DDAH2: variants seen among roughly 807,000 people sequenced by gnomAD.
DDAH2 encodes the protein putative hydrolase DDAH2.
Under a neutral mutation model 24.8 loss-of-function variants are expected in DDAH2, and 8 were observed. The observed-to-expected ratio is 0.32, with a 90% CI of 0.19 to 0.58. DDAH2 has a LOEUF of 0.58. Among genes scored for constraint, DDAH2 ranks in the 20% least tolerant of loss-of-function variants. The probability of loss-of-function intolerance (pLI) is 0.87; values close to 1 mark genes in which losing one functional copy is unlikely to be tolerated. For missense variants in DDAH2, 281 were observed against 379.0 expected (o/e 0.74, Z 2.15); for synonymous variants, 151 against 166.1 (o/e 0.91, Z 0.70).
chr6:31,728,106 C>A lies in DDAH2; in HGVS notation c.591+67G>T. Reference sequence around the variant, plus strand: ...CAGGGGTTAGGGCTAATTTCCTAAGCCTCCCAGCTCCCGGCCTCCCGGGCC... The same window carrying A: ...CAGGGGTTAGGGCTAATTTCCTAAGACTCCCAGCTCCCGGCCTCCCGGGCC... On this transcript the variant is annotated intron_variant, in intron 4 of 5. Transcript: ENST00000375789. This position sits in a 1 kb window ranked among gnomAD's most constrained non-coding sequence, Gnocchi z 9.8. 6.3e-7 allele frequency: 1 copy of A among 1,581,278 alleles called. No individual in the cohort carries two copies. The highest frequency in any genetic ancestry group is 1.1e-5 in the South Asian group (1 of 88,822).
In DDAH2 at chr6:31,728,121, C is replaced by A. The variant is rs901855599; in HGVS notation, c.591+52G>T. On this transcript the variant is annotated intron_variant, in intron 4 of 5. Transcript: ENST00000375789. This position sits in a 1 kb window ranked among gnomAD's most constrained non-coding sequence, Gnocchi z 9.8. Reference sequence around the variant, plus strand: ...ATTTCCTAAGCCTCCCAGCTCCCGGCCTCCCGGGCCCAGAACTGCGCCCAC... The same window carrying A: ...ATTTCCTAAGCCTCCCAGCTCCCGGACTCCCGGGCCCAGAACTGCGCCCAC... 1.1e-5 allele frequency: 17 copies of A among 1,597,172 alleles called. No individual in the cohort carries two copies. Among genetic ancestry groups the A allele is most frequent in the Non-Finnish European group, 1.4e-5 (16 of 1,175,552 alleles).
At position 31,727,460 on chromosome 6, in the gene DDAH2, G is replaced by T; in HGVS notation, c.741+83C>A. The T allele has an allele frequency of 6.2e-7, 1 of 1,607,896 alleles. No homozygotes were observed. Among genetic ancestry groups the T allele is most frequent in the South Asian group, 1.1e-5 (1 of 90,692 alleles). ...GGCCCCACCCAGGCTTCTAGAGAAG[G>T]TACCCTTCCTTCCTCCCACTAGGAA... On this transcript the variant is annotated intron_variant, in intron 5 of 5. Coordinates refer to ENST00000375789, the MANE Select transcript of DDAH2 (RefSeq NM_001303007.2). This position sits in a 1 kb window ranked among gnomAD's most constrained non-coding sequence, Gnocchi z 6.0.
At position 31,729,157 on chromosome 6, in the gene DDAH2, C is replaced by A; in HGVS notation, c.5G>T (p.Gly2Val). 1.2e-6 allele frequency: 2 copies of A among 1,603,628 alleles called. No homozygotes were observed. Among genetic ancestry groups the A allele is most frequent in the Non-Finnish European group, 8.5e-7 (1 of 1,173,222 alleles). M[G>V]TPGEGLGRCS... ...GCGGCCCAGCCCCTCCCCCGGCGTC[C>A]CCATCCCATCCACACAGACTCCCCC... Residue 2 changes from glycine (G) to valine (V), a missense_variant, in exon 1 of 6, where the codon GGG becomes GTG. Transcript: ENST00000375789. The surrounding 1 kb of genome is among the most constrained non-coding windows in gnomAD (Gnocchi z 6.7).
Position 31,728,920 on chromosome 6 carries a change from AT to A in DDAH2, c.241del (p.Ile81SerfsTer7). ...LGPLLGDTAV[I>X]QGDTALITRP... ...CGTGATTAGGGCCGTGTCCCCTTGGATCACGGCCGTGTCGCCAAGCAGCGGT... is the reference window on the plus strand; with the variant it reads ...CGTGATTAGGGCCGTGTCCCCTTGGACACGGCCGTGTCGCCAAGCAGCGGT... On this transcript the variant is annotated frameshift_variant, in exon 1 of 6. Coordinates refer to ENST00000375789, the MANE Select transcript of DDAH2 (RefSeq NM_001303007.2). LOFTEE classifies it high-confidence loss of function. This position sits in a 1 kb window ranked among gnomAD's most constrained non-coding sequence, Gnocchi z 9.8. 1 of 1,613,062 alleles carries A rather than the reference AT, an allele frequency of 6.2e-7. No homozygotes were observed. Among genetic ancestry groups the A allele is most frequent in the African/African-American group, 1.3e-5 (1 of 75,040 alleles).
rs1330318846 is a variant in DDAH2 at position 31,728,895 on chromosome 6, C to G, written c.267G>C (p.Thr89=). The change falls in exon 1 of 6, where the codon ACG becomes ACC. Residue 89 remains threonine (T), a synonymous_variant. Transcript: ENST00000375789. The surrounding 1 kb of genome is among the most constrained non-coding windows in gnomAD (Gnocchi z 9.8). The part of the protein sequence containing the change: ...AVIQGDTALI[T]RPWSPARRPE... ...GCCTACGAGCGGGGCTCCAGGGCCG[C>G]GTGATTAGGGCCGTGTCCCCTTGGA... The G allele has an allele frequency of 5.0e-6, 8 of 1,613,028 alleles. No homozygotes were observed. The highest frequency in any genetic ancestry group is 6.8e-6 in the Non-Finnish European group (8 of 1,180,014).
At position 31,729,184 on chromosome 6, in the gene DDAH2, C is replaced by G; in HGVS notation, c.-23G>C. The G allele has an allele frequency of 6.5e-7, 1 of 1,534,830 alleles. No individual in the cohort carries two copies. The highest frequency in any genetic ancestry group is 1.2e-5 in the South Asian group (1 of 84,482). On this transcript the variant is annotated 5_prime_UTR_variant, in exon 1 of 6. Transcript: ENST00000375789. The surrounding 1 kb of genome is among the most constrained non-coding windows in gnomAD (Gnocchi z 6.7). ...CATCCCATCCACACAGACTCCCCCT[C>G]CAACCGCTCGGATTTCTTAGTTTTC...
Position 31,729,048 on chromosome 6 carries a change from C to G in DDAH2, c.114G>C (p.Leu38=). 6.2e-7 allele frequency: 1 copy of G among 1,613,040 alleles called. No homozygotes were observed. The highest frequency in any genetic ancestry group is 1.1e-5 in the South Asian group (1 of 91,088). The part of the protein sequence containing the change: ...GAGAGLPALD[L]AKAQREHGVL... ...CCCCGTGCTCCCTTTGAGCTTTGGC[C>G]AGATCCAGAGCGGGAAGGCCAGCCC... The change falls in exon 1 of 6, where the codon CTG becomes CTC. Residue 38 remains leucine (L), a synonymous_variant. Transcript: ENST00000375789. This position sits in a 1 kb window ranked among gnomAD's most constrained non-coding sequence, Gnocchi z 6.7.
chr6:31,728,977 T>G lies in DDAH2; in HGVS notation c.185A>C (p.Glu62Ala), dbSNP rs776679194. Reference protein sequence around the residue: ...LRQRLGLQLLELPPEESLPLG... With the variant: ...LRQRLGLQLLALPPEESLPLG... ...CGGCAATGACTCCTCAGGTGGCAGT[T>G]CTAGCAGCTGTAGCCCCAGTCGTTG... Residue 62 changes from glutamate (E) to alanine (A), a missense_variant, in exon 1 of 6, where the codon GAA becomes GCA. Physicochemically the swap from Glu to Ala is moderately radical, Grantham distance 107. Transcript: ENST00000375789. The surrounding 1 kb of genome is among the most constrained non-coding windows in gnomAD (Gnocchi z 9.8). The G allele has an allele frequency of 6.2e-7, 1 of 1,613,102 alleles. No homozygotes were observed. The highest frequency in any genetic ancestry group is 2.2e-5 in the East Asian group (1 of 44,884).
rs1429342559 is a variant in DDAH2 at position 31,728,502 on chromosome 6, G to A, written c.420C>T (p.Leu140=). ...LFTGREFFVG[L]SKWTNHRGAE... is the part of the protein sequence containing the mutation. ...CTCCTCGGTGATTGGTCCATTTGGAGAGGCCTACGAAAAACTCCCGGCCTG... is the reference window on the plus strand; with the variant it reads ...CTCCTCGGTGATTGGTCCATTTGGAAAGGCCTACGAAAAACTCCCGGCCTG... The change falls in exon 3 of 6, where the codon CTC becomes CTT. Residue 140 remains leucine, a synonymous_variant. Transcript: ENST00000375789. The surrounding 1 kb of genome is among the most constrained non-coding windows in gnomAD (Gnocchi z 9.8). 1.4e-5 allele frequency: 23 copies of A among 1,612,616 alleles called. No homozygotes were observed. Among genetic ancestry groups the A allele is most frequent in the Non-Finnish European group, 1.8e-5 (21 of 1,179,952 alleles).
In DDAH2 at chr6:31,728,324, G is replaced by A. The variant is rs186059807; in HGVS notation, c.472-32C>T. 6.9e-6 allele frequency: 11 copies of A among 1,604,704 alleles called. No individual in the cohort carries two copies. In the Admixed American group the frequency reaches 8.4e-5, roughly 12 times the overall value. ...AGAGCGAAGGGAGGTATTCAGGGGC[G>A]CGGGAGGGGTGATGGGGTATCTTCA... On this transcript the variant is annotated intron_variant, in intron 3 of 5. Coordinates refer to ENST00000375789, the MANE Select transcript of DDAH2 (RefSeq NM_001303007.2). The surrounding 1 kb of genome is among the most constrained non-coding windows in gnomAD (Gnocchi z 9.8).
upstream of DDAH2, chr6:31,729,500 G>A (rs981157958): frequency 3.5e-4 from 114 of 326,320 alleles, no homozygotes; most frequent in Middle Eastern, 2.5e-3. This position sits in a 1 kb window ranked among gnomAD's most constrained non-coding sequence, Gnocchi z 6.7. Context: ...GGTCCCTGTC[G>A]GGCGCCCCTC....
chr6:31,727,284 C>A lies in DDAH2; in HGVS notation c.811G>T (p.Gly271Trp), dbSNP rs373175852. The change falls in exon 6 of 6, where the codon GGG (glycine) becomes TGG (tryptophan). Residue 271 changes from glycine to tryptophan, a missense_variant. Physicochemically the swap from Gly to Trp is radical, Grantham distance 184. Transcript: ENST00000375789. This position sits in a 1 kb window ranked among gnomAD's most constrained non-coding sequence, Gnocchi z 6.0. The stretch of plus-strand genomic sequence containing the variant: ...AGCACCAAGCAGAGGGAGCTGAGCC[C>A]GGCGCCAGCCTTCTCCAGTTCTGAG... ...SCSELEKAGA[G>W]LSSLCLVLST... is the part of the protein sequence containing the mutation. The A allele has an allele frequency of 3.7e-6, 6 of 1,612,942 alleles. No homozygotes were observed. The highest frequency in any genetic ancestry group is 5.1e-6 in the Non-Finnish European group (6 of 1,180,026).
chr6:31,727,481 A>G lies in DDAH2; in HGVS notation c.741+62T>C. On this transcript the variant is annotated intron_variant, in intron 5 of 5. Coordinates refer to ENST00000375789, the MANE Select transcript of DDAH2 (RefSeq NM_001303007.2). This position sits in a 1 kb window ranked among gnomAD's most constrained non-coding sequence, Gnocchi z 6.0. Reference sequence around the variant, plus strand: ...GAAGGTACCCTTCCTTCCTCCCACTAGGAAAGCCTGAAACTCTTTTCTCTG... The same window carrying G: ...GAAGGTACCCTTCCTTCCTCCCACTGGGAAAGCCTGAAACTCTTTTCTCTG... 6.2e-7 allele frequency: 1 copy of G among 1,611,432 alleles called. No homozygotes were observed. The highest frequency in any genetic ancestry group is 8.5e-7 in the Non-Finnish European group (1 of 1,178,838).
At chr6:31,730,214 TG>T, upstream of DDAH2, 1 of 155,394 alleles carries the variant, frequency 6.4e-6, no homozygotes, top group East Asian at 1.8e-4. This position sits in a 1 kb window ranked among gnomAD's most constrained non-coding sequence, Gnocchi z 5.1. Flanking sequence ...TATACTACGA[TG>T]GGGCAGGGGC....
chr6:31,728,176 G>C lies in DDAH2; in HGVS notation c.588C>G (p.Val196=). The part of the protein sequence containing the change: ...AGSSDAAQKA[V]RAMAVLTDHP... Reference sequence around the variant, plus strand: ...GTTGGCCCCGCCCCCTCCTCACCCGGACAGCCTTTTGGGCAGCGTCGCTGC... The same window carrying C: ...GTTGGCCCCGCCCCCTCCTCACCCGCACAGCCTTTTGGGCAGCGTCGCTGC... Residue 196 remains valine, a synonymous_variant, in exon 4 of 6, where the codon GTC becomes GTG. Coordinates refer to ENST00000375789, the MANE Select transcript of DDAH2 (RefSeq NM_001303007.2). This position sits in a 1 kb window ranked among gnomAD's most constrained non-coding sequence, Gnocchi z 9.8. 1 of 1,611,700 alleles carries C rather than the reference G, an allele frequency of 6.2e-7. No individual in the cohort carries two copies. The highest frequency in any genetic ancestry group is 1.3e-5 in the African/African-American group (1 of 75,008).
In DDAH2 at chr6:31,728,819, G is replaced by A. The variant is rs773419342; in HGVS notation, c.297+46C>T. ...TTCTTCCCCAAAGCCCCGACATCCA[G>A]TTCCTTCTGCCTTTCCCCATACCAC... is the stretch of plus-strand genomic sequence containing the variant. On this transcript the variant is annotated intron_variant, in intron 1 of 5. Transcript: ENST00000375789. This position sits in a 1 kb window ranked among gnomAD's most constrained non-coding sequence, Gnocchi z 9.8. 1 of 1,610,920 alleles carries A rather than the reference G, an allele frequency of 6.2e-7. No individual in the cohort carries two copies. The highest frequency in any genetic ancestry group is 8.5e-7 in the Non-Finnish European group (1 of 1,178,990).
Position 31,728,423 on chromosome 6 carries a change from C to A in DDAH2, c.471+28G>T. The A allele has an allele frequency of 6.2e-7, 1 of 1,611,978 alleles. No individual in the cohort carries two copies. The highest frequency in any genetic ancestry group is 8.5e-7 in the Non-Finnish European group (1 of 1,179,684). Reference sequence around the variant, plus strand: ...CTTCCGACCCCCACCTGCACCCCCTCCCTCCCTAGGCTGGTCCCGCTCCGC... The same window carrying A: ...CTTCCGACCCCCACCTGCACCCCCTACCTCCCTAGGCTGGTCCCGCTCCGC... On this transcript the variant is annotated intron_variant, in intron 3 of 5. Transcript: ENST00000375789. The surrounding 1 kb of genome is among the most constrained non-coding windows in gnomAD (Gnocchi z 9.8).
chr6:31,727,585 G>A lies in DDAH2; in HGVS notation c.699C>T (p.Phe233=). Reference sequence around the variant, plus strand: ...GATCCCCACCTCCACGGTGCAGGAGGAAAGGGGGCACACCAGGCAACCCAG... The same window carrying A: ...GATCCCCACCTCCACGGTGCAGGAGAAAAGGGGGCACACCAGGCAACCCAG... ...LRPGLPGVPP[F]LLHRGGGDLP... Residue 233 remains phenylalanine (F), a synonymous_variant, in exon 5 of 6, where the codon TTC becomes TTT. Transcript: ENST00000375789. This position sits in a 1 kb window ranked among gnomAD's most constrained non-coding sequence, Gnocchi z 6.0. The A allele has an allele frequency of 6.2e-7, 1 of 1,613,110 alleles. No individual in the cohort carries two copies. Among genetic ancestry groups the A allele is most frequent in the Non-Finnish European group, 8.5e-7 (1 of 1,180,024 alleles).
In DDAH2 at chr6:31,727,171, C is replaced by G; in HGVS notation, c.*66G>C. 3.3e-6 allele frequency: 4 copies of G among 1,199,908 alleles called. No homozygotes were observed. The South Asian group carries it at 3.7e-5, about 11-fold the overall frequency. 74.3% of individuals were successfully genotyped at this position (1,199,908 alleles called of 1,614,324 possible). On this transcript the variant is annotated 3_prime_UTR_variant, in exon 6 of 6. Transcript: ENST00000375789. The surrounding 1 kb of genome is among the most constrained non-coding windows in gnomAD (Gnocchi z 6.0). ...TGCCTATTCAGCATTCTCTATCTAA[C>G]CCTCCTTCCCCTTCTACTTCCTATA...
Sources: gnomAD v4.1 joint callset for allele counts on GRCh38, gnomAD v4.1.1 for gene constraint, Gnocchi (gnomAD v3.1) non-coding constraint, MANE v1.5 for transcripts, NCBI Gene and HGNC (gene_info 2026-07-23, HGNC 2026-07-21) for gene names.